LPP: variants seen among roughly 807,000 people sequenced by gnomAD.
The protein encoded by LPP is LIM domain containing preferred translocation partner in lipoma.
LPP carries 38 observed loss-of-function variants against 60.4 expected under a neutral mutation model. The ratio of observed to expected loss-of-function variants is 0.63; its 90% CI spans 0.49 to 0.83. The LOEUF (loss-of-function observed/expected upper bound fraction) is 0.83. LPP is among the 40% of genes least tolerant of loss of function. The probability of loss-of-function intolerance (pLI) is 0.00; values close to 1 mark genes in which losing one functional copy is unlikely to be tolerated. For missense variants in LPP, 902 were observed against 783.6 expected (o/e 1.15, Z -1.80); for synonymous variants, 328 against 290.8 (o/e 1.13, Z -1.30).
chr3:188,426,488 T>C (rs1030182181), intron 4 of LPP, among the ~76,000 whole-genome samples: 2 of 152,216 alleles, frequency 1.3e-5, no homozygotes, highest in African/African-American at 4.8e-5. Context: ...TAGAGCTGAG[T>C]TGAAGTCCTT....
chr3:188,647,200 A>G (rs1288076409), intron 7 of LPP, among the ~76,000 whole-genome samples: 4 of 152,188 alleles, frequency 2.6e-5, no homozygotes, highest in African/African-American at 7.2e-5. Context: ...CCCACCATCC[A>G]GCTCTGACCT....
intron 1 of LPP, among the ~76,000 whole-genome samples, chr3:188,214,164 T>A (rs1021372175): frequency 1.3e-5 from 2 of 151,992 alleles, no homozygotes; most frequent in Non-Finnish European, 2.9e-5. Context: ...TCTTGCTCTA[T>A]CGCCCAGGCT....
chr3:188,748,380 T>G (rs1030501536), intron 8 of LPP, among the ~76,000 whole-genome samples: 2 of 152,090 alleles, frequency 1.3e-5, no homozygotes, highest in Non-Finnish European at 2.9e-5. Flanking sequence ...ATGGGTAAAA[T>G]AGCTTACTCA....
intron 6 of LPP, among the ~76,000 whole-genome samples, chr3:188,599,076 A>G (rs1840553875): frequency 1.3e-5 from 2 of 152,134 alleles, no homozygotes; most frequent in African/African-American, 4.8e-5. Flanking sequence ...CTTCATCACA[A>G]TGGCATTTTA....
At chr3:188,493,812 T>A in intron 5 of LPP, among the ~76,000 whole-genome samples, 1 of 152,184 alleles carries the variant, frequency 6.6e-6, no homozygotes, top group African/African-American at 2.4e-5. Flanking sequence ...CTTTATGAAC[T>A]CCTACTATAT....
intron 6 of LPP, among the ~76,000 whole-genome samples, chr3:188,563,223 G>A (rs1399520463): frequency 6.6e-6 from 1 of 151,914 alleles, no homozygotes; most frequent in Non-Finnish European, 1.5e-5. Flanking sequence ...TGTGGAACCA[G>A]CCTGTTCCTT....
In LPP at chr3:188,745,492, G is replaced by A. The variant is rs985116174; in HGVS notation, c.1241-14621G>A. On this transcript the variant is annotated intron_variant, in intron 8 of 11. Transcript: ENST00000617246. ...GAATGTGAGTTCCATGAGGGCAACA[G>A]CACTTCTGTCTTACTGCTCTGTCTG... is the stretch of plus-strand genomic sequence containing the variant. Among the ~76,000 whole-genome samples, 7 of 152,272 alleles carry A rather than the reference G, an allele frequency of 4.6e-5. No homozygotes were observed. The South Asian group carries it at 6.2e-4, about 14-fold the overall frequency.
At chr3:188,869,397 T>A (rs1370474544) in intron 10 of LPP, among the ~76,000 whole-genome samples, 1 of 152,126 alleles carries the variant, frequency 6.6e-6, no homozygotes, top group East Asian at 1.9e-4. Context: ...TTCAAGCAAT[T>A]CTCCTGCCTC....
chr3:188,377,251 C>T (rs1440476938), intron 3 of LPP, among the ~76,000 whole-genome samples: 1 of 152,116 alleles, frequency 6.6e-6, no homozygotes, highest in East Asian at 1.9e-4. Flanking sequence ...GAATGTTGGC[C>T]TGCCTTGCTA....
intron 9 of LPP, among the ~76,000 whole-genome samples, chr3:188,793,187 T>G (rs1321688307): frequency 5.6e-4 from 67 of 118,746 alleles, no homozygotes; most frequent in Non-Finnish European, 1.1e-3. Context: ...ATTTATCCTT[T>G]TTTTTTTTTT....
At position 188,370,177 on chromosome 3, in the gene LPP, C is replaced by T. The variant is rs901127118; in HGVS notation, c.-10+28458C>T. Among the ~76,000 whole-genome samples the T allele has an allele frequency of 4.6e-5, 7 of 152,146 alleles. No homozygotes were observed. In the East Asian group the frequency reaches 9.6e-4, roughly 21 times the overall value. On this transcript the variant is annotated intron_variant, in intron 3 of 11. Transcript: ENST00000617246. The stretch of plus-strand genomic sequence containing the variant: ...TCCTGACCTCTTGATTCACCTGCCT[C>T]GGCCTCCCAAAGTGTTGGGATTACA...
At chr3:188,798,055 C>T (rs1215802722) in intron 9 of LPP, among the ~76,000 whole-genome samples, 5 of 151,954 alleles carry the variant, frequency 3.3e-5, no homozygotes, top group South Asian at 2.1e-4. Flanking sequence ...TGACTCATGT[C>T]AGGTTCCCAG....
intron 6 of LPP, among the ~76,000 whole-genome samples, chr3:188,594,846 C>A (rs1450794910): frequency 6.6e-6 from 1 of 152,088 alleles, no homozygotes; most frequent in African/African-American, 2.4e-5. Flanking sequence ...TCTGTATTGA[C>A]ACCACTCATA....
chr3:188,347,778 A>T (rs1376801835), intron 3 of LPP, among the ~76,000 whole-genome samples: 1 of 152,176 alleles, frequency 6.6e-6, no homozygotes, highest in Non-Finnish European at 1.5e-5. Flanking sequence ...GGGGGGCCAG[A>T]AGAGTGAAAG....
At chr3:188,805,118 T>C (rs1435009944) in intron 9 of LPP, among the ~76,000 whole-genome samples, 1 of 152,084 alleles carries the variant, frequency 6.6e-6, no homozygotes, top group African/African-American at 2.4e-5. Flanking sequence ...TTGAGGATTT[T>C]TGCATTTGTG....
rs1358329826 is a variant in LPP, at chr3:188,885,745, A to C, written c.*11266A>C. 1 of 152,324 alleles carries C rather than the reference A, an allele frequency of 6.6e-6. No homozygotes were observed. The highest frequency in any genetic ancestry group is 1.5e-5 in the Non-Finnish European group (1 of 68,108). 9.4% of individuals were successfully genotyped at this position (152,324 alleles called of 1,614,324 possible). On this transcript the variant is annotated 3_prime_UTR_variant, in exon 12 of 12. Transcript: ENST00000617246. ...TTCCACAATGGTTGAACTAGTTCAC[A>C]GTCCCACCAACAGTGTAAAAGTGTT...
chr3:188,705,484 A>G (rs1468129794), intron 7 of LPP, among the ~76,000 whole-genome samples: 1 of 152,194 alleles, frequency 6.6e-6, no homozygotes, highest in Non-Finnish European at 1.5e-5. Flanking sequence ...GTACTTCTGT[A>G]CAATTTTCCT....
intron 2 of LPP, among the ~76,000 whole-genome samples, chr3:188,295,504 C>G (rs891625991): frequency 5.3e-5 from 8 of 152,146 alleles, no homozygotes; most frequent in African/African-American, 7.2e-5. Context: ...ACCATTTGGA[C>G]TTTTATTTTC....
intron 1 of LPP, among the ~76,000 whole-genome samples, chr3:188,201,574 G>A (rs549806227): frequency 4.5e-4 from 68 of 152,268 alleles, no homozygotes; most frequent in African/African-American, 1.5e-3. Context: ...AGGAGTGGTG[G>A]CGCATGCCTG....
Sources: allele counts gnomAD v4.1 joint callset (sites outside exome capture counted in the v4.1 genomes callset), GRCh38; gene constraint gnomAD v4.1.1; transcripts MANE v1.5; gene names NCBI Gene and HGNC (gene_info 2026-07-23, HGNC 2026-07-21).